RIMBP2: variants seen among roughly 807,000 people sequenced by gnomAD.
The protein encoded by RIMBP2 is RIMS-binding protein 2.
RIMBP2 carries 48 observed loss-of-function variants against 118.6 expected under a neutral mutation model. That is an observed-to-expected ratio of 0.40 (90% CI 0.32 to 0.51). The LOEUF is 0.51. RIMBP2 is among the 20% of genes least tolerant of loss of function. The pLI, the probability that RIMBP2 is intolerant of heterozygous loss-of-function variation, is 0.41. For synonymous variants in RIMBP2, 762 were observed against 742.9 expected (o/e 1.03, Z -0.42); for missense variants, 1,551 against 1,768.3 (o/e 0.88, Z 2.20).
chr12:130,405,891 T>TA, intron 21 of RIMBP2, among the ~76,000 whole-genome samples: 1 of 152,182 alleles, frequency 6.6e-6, no homozygotes, highest in Non-Finnish European at 1.5e-5. Flanking sequence ...GGCAGCAATT[T>TA]AAAAAATAAG....
intron 2 of RIMBP2, among the ~76,000 whole-genome samples, chr12:130,532,059 G>A (rs542732983): frequency 3.3e-5 from 4 of 121,264 alleles, no homozygotes; most frequent in African/African-American, 9.4e-5. Context: ...TTAGCCTCTA[G>A]GAGGTACGTC....
chr12:130,517,826 A>G lies in RIMBP2; in HGVS notation c.-127+2T>C. The G allele has an allele frequency of 1.0e-6, 1 of 984,382 alleles. No individual in the cohort carries two copies. The highest frequency in any genetic ancestry group is 1.2e-6 in the Non-Finnish European group (1 of 828,624). The allele number at this position is 984,382 out of a possible 1,614,324, so 61.0% of individuals were successfully genotyped here. On this transcript the variant is annotated splice_donor_variant, in intron 3 of 22. Transcript: ENST00000690449. LOFTEE classifies it low-confidence loss of function (5UTR_SPLICE). ...TGGTCTGTGGACAGTGGTATCAGCT[A>G]CCTTGTCATGCTGCCGGGCCCTTGT...
Position 130,648,621 on chromosome 12 carries a change from A to C in RIMBP2, c.-351-20165T>G, listed in dbSNP as rs144715891. Among the ~76,000 whole-genome samples, 985 of 145,268 alleles carry C rather than the reference A, an allele frequency of 6.8e-3. 158 individuals are homozygous for C. The highest frequency in any genetic ancestry group is 0.012 in the Non-Finnish European group (773 of 64,208). On this transcript the variant is annotated intron_variant, in intron 1 of 22. Coordinates refer to ENST00000690449, the MANE Select transcript of RIMBP2 (RefSeq NM_001393629.1). ...TACAATAAATATATGTTACTCCATT[A>C]ATCATAATCAAGTTAAAAACTATCT...
Position 130,482,509 on chromosome 12 carries a change from T to G in RIMBP2, c.-3-3493A>C, listed in dbSNP as rs545917723. 1.3e-4 allele frequency among the ~76,000 whole-genome samples: 20 copies of G among 152,320 alleles called. No homozygotes were observed. In the South Asian group the frequency reaches 3.9e-3, roughly 30 times the overall value. ...CTGGACTTCAGGAGTGGCCATTTCC[T>G]ACATCCTAACACCAGCCTCAATCTG... On this transcript the variant is annotated intron_variant, in intron 4 of 22. Transcript: ENST00000690449.
intron 3 of RIMBP2, among the ~76,000 whole-genome samples, chr12:130,507,074 G>T (rs929972915): frequency 3.3e-5 from 5 of 152,198 alleles, no homozygotes; most frequent in Admixed American, 2.6e-4. Context: ...CCTGGATGTG[G>T]TGATTGGTTG....
At chr12:130,399,374 G>A (rs1342093615) in intron 22 of RIMBP2, among the ~76,000 whole-genome samples, 2 of 152,094 alleles carry the variant, frequency 1.3e-5, no homozygotes, top group African/African-American at 4.8e-5. Flanking sequence ...ATCTGAAGAG[G>A]AGCCATCCCC....
chr12:130,674,814 G>C (rs2136481521), intron 1 of RIMBP2, among the ~76,000 whole-genome samples: 1 of 151,852 alleles, frequency 6.6e-6, no homozygotes, highest in East Asian at 1.9e-4. Context: ...CTTTCCGTCT[G>C]TGTGGGTTCG....
intron 3 of RIMBP2, among the ~76,000 whole-genome samples, chr12:130,512,625 G>A (rs757241867): frequency 9.9e-5 from 15 of 152,222 alleles, no homozygotes; most frequent in Middle Eastern, 6.8e-3. Flanking sequence ...ACCCGGCCTG[G>A]GTCCCTGTCC....
chr12:130,547,271 A>G (rs113864765), intron 2 of RIMBP2, among the ~76,000 whole-genome samples: 19 of 152,244 alleles, frequency 1.2e-4, no homozygotes, highest in African/African-American at 4.6e-4. Flanking sequence ...GAGTTCTCCA[A>G]GCCTTGAGTT....
intron 1 of RIMBP2, among the ~76,000 whole-genome samples, chr12:130,662,934 T>A (rs1594165471): frequency 1.3e-5 from 2 of 152,228 alleles, no homozygotes; most frequent in Admixed American, 6.5e-5. Context: ...CCAGCCTGGG[T>A]GACAGAGTAA....
chr12:130,417,218 A>G (rs1203074356), intron 17 of RIMBP2, among the ~76,000 whole-genome samples: 1 of 152,230 alleles, frequency 6.6e-6, no homozygotes, highest in Non-Finnish European at 1.5e-5. Context: ...ACCATTTGAC[A>G]CACCAGTGCC....
chr12:130,470,501 G>A lies in RIMBP2; in HGVS notation c.153+192C>T, dbSNP rs550213662. The A allele has an allele frequency of 1.2e-4, 48 of 393,294 alleles. No individual in the cohort carries two copies. The South Asian group carries it at 6.6e-3, about 54-fold the overall frequency. 24.4% of individuals were successfully genotyped at this position (393,294 alleles called of 1,614,324 possible). A position where few individuals can be genotyped will look rare whatever the true frequency, so the allele number is the denominator to read the frequency against. ...TCTCTGTGCCTCAGTTTCCCTGTAA[G>A]AACGGACCTGGTCCTGGCACCTGTA... is the stretch of plus-strand genomic sequence containing the variant. On this transcript the variant is annotated intron_variant, in intron 6 of 22. Transcript: ENST00000690449.
intron 2 of RIMBP2, among the ~76,000 whole-genome samples, chr12:130,556,173 T>G (rs997214863): frequency 6.6e-6 from 1 of 152,138 alleles, no homozygotes; most frequent in African/African-American, 2.4e-5. Flanking sequence ...TCTGTTTTGT[T>G]TATCACTCCA....
intron 2 of RIMBP2, among the ~76,000 whole-genome samples, chr12:130,545,626 C>T (rs2055055227): frequency 6.6e-6 from 1 of 152,178 alleles, no homozygotes; most frequent in Admixed American, 6.5e-5. Context: ...AGGTGCGTCC[C>T]TCTAGACCCC....
chr12:130,590,057 A>C (rs2059157950), intron 2 of RIMBP2, among the ~76,000 whole-genome samples: 1 of 152,188 alleles, frequency 6.6e-6, no homozygotes, highest in African/African-American at 2.4e-5. Flanking sequence ...AAATCTACTA[A>C]GAATTCATTA....
intron 4 of RIMBP2, among the ~76,000 whole-genome samples, chr12:130,498,141 GC>G (rs778088616): frequency 0.16 from 23,672 of 152,078 alleles, 2,271 homozygotes; most frequent in East Asian, 0.37. Flanking sequence ...GCCTCCGGCT[GC>G]CCCGTCATTC....
intron 1 of RIMBP2, among the ~76,000 whole-genome samples, chr12:130,639,382 T>TAAAA (rs2062502850): frequency 5.1e-5 from 2 of 39,098 alleles, no homozygotes; most frequent in Non-Finnish European, 5.8e-5. Flanking sequence ...AAACTCCATC[T>TAAAA]TAAAAAAAAA....
At position 130,529,848 on chromosome 12, in the gene RIMBP2, T is replaced by C. The variant is rs192319705; in HGVS notation, c.-216-11931A>G. On this transcript the variant is annotated intron_variant, in intron 2 of 22. Transcript: ENST00000690449. ...GAGTGTGCAAACTAGATCCCTCACA[T>C]GTGCAGTTCACTCTCCTATGAGAAT... Among the ~76,000 whole-genome samples the C allele has an allele frequency of 2.1e-3, 318 of 152,198 alleles. 1 individual carries two copies. Among genetic ancestry groups the C allele is most frequent in the Non-Finnish European group, 3.0e-3 (203 of 67,988 alleles).
At chr12:130,548,867 A>G (rs117132859) in intron 2 of RIMBP2, among the ~76,000 whole-genome samples, 3,249 of 152,064 alleles carry the variant, frequency 0.021, 227 homozygotes, top group East Asian at 0.16. Flanking sequence ...GATTACAGGC[A>G]TGAGCCGCCG....
Sources: gnomAD v4.1 joint callset for allele counts (sites outside exome capture counted in the v4.1 genomes callset) on GRCh38, gnomAD v4.1.1 for gene constraint, MANE v1.5 for transcripts, NCBI Gene and HGNC (gene_info 2026-07-23, HGNC 2026-07-21) for gene names.